DOCK4: variants seen among roughly 807,000 people sequenced by gnomAD.
The protein encoded by DOCK4 is dedicator of cytokinesis protein 4.
DOCK4 carries 97 observed loss-of-function variants against 268.1 expected under a neutral mutation model. The observed-to-expected ratio is 0.36, with a 90% CI of 0.31 to 0.43. The LOEUF (loss-of-function observed/expected upper bound fraction) is 0.43, where lower values mean the gene tolerates loss of function less well. Ranked by LOEUF, DOCK4 falls within the 20% of genes least tolerant of loss-of-function variation. The pLI, the probability that DOCK4 is intolerant of heterozygous loss-of-function variation, is 1.00. For missense variants in DOCK4, 2,145 were observed against 2,455.7 expected, an observed-to-expected ratio of 0.87 and a Z score of 2.67; for synonymous variants, 954 against 887.2, an observed-to-expected ratio of 1.08 and a Z score of -1.34.
intron 1 of DOCK4, among the ~76,000 whole-genome samples, chr7:112,098,058 T>A (rs889650353): frequency 2.0e-5 from 3 of 152,138 alleles, no homozygotes; most frequent in Non-Finnish European, 2.9e-5. Context: ...GAAATGTGAG[T>A]AAACACTGAA....
At chr7:112,170,487 ATT>A (rs1425165646) in intron 1 of DOCK4, among the ~76,000 whole-genome samples, 2 of 151,848 alleles carry the variant, frequency 1.3e-5, no homozygotes, top group Non-Finnish European at 2.9e-5. Context: ...AAGCATATAT[ATT>A]TAGAGTTAAC....
chr7:112,206,049 T>A lies in DOCK4; in HGVS notation c.37+53A>T. 3 of 1,547,920 alleles carry A rather than the reference T, an allele frequency of 1.9e-6. No individual in the cohort carries two copies. In the Admixed American group the frequency reaches 5.8e-5, roughly 30 times the overall value. On this transcript the variant is annotated intron_variant, in intron 1 of 52. Coordinates refer to ENST00000428084, the MANE Select transcript of DOCK4 (RefSeq NM_001363540.2). ...GGGGCGCGGGGGCAAGGACGAGAAA[T>A]GCGCACTCGCTCGGGCCAGAGCAGA... is the stretch of plus-strand genomic sequence containing the variant.
rs869052136 is a variant in DOCK4, at chr7:111,762,762, C to CTTTTTTTTTTTT, written c.4020+2344_4020+2355dup. On this transcript the variant is annotated intron_variant, in intron 39 of 52. Transcript: ENST00000428084. ...TAAATAACCCATTTTGTTTTGTTTTCTTTTTTTTTTTTTTTTTTTTTTTTG... is the reference window on the plus strand; with the variant it reads ...TAAATAACCCATTTTGTTTTGTTTTCTTTTTTTTTTTTTTTTTTTTTTTTTTTTTTTTTTTTG... 2.5e-3 allele frequency among the ~76,000 whole-genome samples: 157 copies of CTTTTTTTTTTTT among 63,064 alleles called. 23 individuals carry two copies. Among genetic ancestry groups the CTTTTTTTTTTTT allele is most frequent in the African/African-American group, 5.4e-3 (99 of 18,360 alleles). 41.4% of individuals were successfully genotyped at this position (63,064 alleles called of 152,430 possible).
chr7:111,734,947 T>C, intron 51 of DOCK4, 107 bp downstream of exon 51: 1 of 854,586 alleles, frequency 1.2e-6, no homozygotes, highest in Non-Finnish European at 1.9e-6. Flanking sequence ...AAGGTTTTTA[T>C]CCCAGAAATC....
chr7:112,193,314 A>G (rs188314233), intron 1 of DOCK4, among the ~76,000 whole-genome samples: 13 of 152,284 alleles, frequency 8.5e-5, no homozygotes, highest in Admixed American at 7.2e-4. Context: ...AATCTAACTC[A>G]AATGGGTGCA....
intron 1 of DOCK4, among the ~76,000 whole-genome samples, chr7:112,065,016 G>A (rs372806620): frequency 4.1e-4 from 63 of 152,274 alleles, no homozygotes; most frequent in African/African-American, 1.4e-3. Flanking sequence ...TGTTGTTTCA[G>A]CCTCCCAGTC....
intron 8 of DOCK4, among the ~76,000 whole-genome samples, chr7:111,959,771 A>C (rs1796719567): frequency 6.6e-6 from 1 of 152,164 alleles, no homozygotes; most frequent in East Asian, 1.9e-4. Context: ...GGAAGCTATG[A>C]TGGTAACTTC....
chr7:111,944,679 G>T, intron 10 of DOCK4, 132 bp downstream of exon 10: 1 of 869,800 alleles, frequency 1.1e-6, no homozygotes, highest in Non-Finnish European at 1.8e-6. Flanking sequence ...CAACTTCTGT[G>T]ATTCTTGGAT....
intron 22 of DOCK4, among the ~76,000 whole-genome samples, chr7:111,867,567 C>G (rs1196357230): frequency 6.6e-6 from 1 of 152,158 alleles, no homozygotes; most frequent in Admixed American, 6.5e-5. Flanking sequence ...TAAAACAAAA[C>G]AACATGCAGC....
chr7:111,766,491 C>G (rs73432091), intron 38 of DOCK4, among the ~76,000 whole-genome samples: 12,070 of 152,148 alleles, frequency 0.079, 1,534 homozygotes, highest in African/African-American at 0.27. Context: ...TTGTTTGAAC[C>G]TAAGAGCAAA....
intron 12 of DOCK4, among the ~76,000 whole-genome samples, chr7:111,927,005 T>C (rs1014415526): frequency 2.0e-5 from 3 of 152,230 alleles, no homozygotes; most frequent in Non-Finnish European, 4.4e-5. Context: ...TTAGCCAGTA[T>C]TGTTCAATTT....
chr7:111,824,152 A>G (rs1802221772), intron 26 of DOCK4, among the ~76,000 whole-genome samples: 1 of 152,224 alleles, frequency 6.6e-6, no homozygotes, highest in Non-Finnish European at 1.5e-5. Flanking sequence ...TGTAGGTCAC[A>G]TAATTTTGGG....
chr7:111,734,773 C>G (rs1795353891), intron 51 of DOCK4, among the ~76,000 whole-genome samples: 1 of 152,122 alleles, frequency 6.6e-6, no homozygotes, highest in South Asian at 2.1e-4. Flanking sequence ...TGCTAGTGGC[C>G]TACCAAGGTT....
intron 1 of DOCK4, among the ~76,000 whole-genome samples, chr7:112,100,395 G>A (rs1002896105): frequency 2.6e-5 from 4 of 152,230 alleles, no homozygotes; most frequent in Admixed American, 2.0e-4. Flanking sequence ...AGATGAAACA[G>A]CTATAGAAAG....
chr7:111,791,666 T>C (rs1799561168), intron 30 of DOCK4, among the ~76,000 whole-genome samples: 1 of 152,170 alleles, frequency 6.6e-6, no homozygotes, highest in Non-Finnish European at 1.5e-5. Context: ...CAGGCTGGTA[T>C]CAAACTCCTG....
chr7:111,897,320 G>T (rs1344616013), intron 15 of DOCK4, among the ~76,000 whole-genome samples: 1 of 151,848 alleles, frequency 6.6e-6, no homozygotes, highest in Admixed American at 6.6e-5. Flanking sequence ...TTAGCTCCTG[G>T]GTTCTCTTCT....
At chr7:111,766,967 C>A in intron 38 of DOCK4, 65 bp downstream of exon 38, 1 of 1,278,656 alleles carries the variant, frequency 7.8e-7, no homozygotes, top group South Asian at 1.3e-5. Context: ...TTTCATAGAA[C>A]CACACTGGAA....
chr7:112,163,759 C>G (rs887149955), intron 1 of DOCK4, among the ~76,000 whole-genome samples: 1 of 152,024 alleles, frequency 6.6e-6, no homozygotes, highest in Non-Finnish European at 1.5e-5. Flanking sequence ...TGCCCCAGAC[C>G]CACAGCCAGT....
intron 50 of DOCK4, among the ~76,000 whole-genome samples, chr7:111,736,128 A>G (rs780689733): frequency 4.6e-5 from 7 of 152,208 alleles, no homozygotes; most frequent in Admixed American, 6.5e-5. Flanking sequence ...TCTCCCAAGG[A>G]AAGTTCTAAT....
Sources: gnomAD v4.1 joint callset for allele counts (sites outside exome capture counted in the v4.1 genomes callset) on GRCh38, gnomAD v4.1.1 for gene constraint, MANE v1.5 for transcripts, NCBI Gene and HGNC (gene_info 2026-07-23, HGNC 2026-07-21) for gene names.